The following TTC6 variants were observed in gnomAD, a reference collection of about 807,000 sequenced individuals.
TTC6 encodes tetratricopeptide repeat protein 6.
TTC6 carries 172 observed loss-of-function variants against 210.4 expected under a neutral mutation model. That is an observed-to-expected ratio of 0.82 (90% CI 0.72 to 0.93). The LOEUF is 0.93. Among genes scored for constraint, TTC6 ranks in the 40% least tolerant of loss-of-function variants. The probability of loss-of-function intolerance (pLI) is 0.00; values close to 1 mark genes in which losing one functional copy is unlikely to be tolerated. For synonymous variants in TTC6, 804 were observed against 819.6 expected (o/e 0.98, Z 0.32); for missense variants, 2,414 against 2,318.1 (o/e 1.04, Z -0.85).
chr14:37,783,778 A>G (rs944253354), intron 14 of TTC6, among the ~76,000 whole-genome samples: 1 of 152,070 alleles, frequency 6.6e-6, no homozygotes, highest in Middle Eastern at 3.2e-3. Context: ...AGTGCTATAA[A>G]TTTCCCTCTA....
intron 17 of TTC6, among the ~76,000 whole-genome samples, chr14:37,793,278 A>G (rs1238140457): frequency 6.6e-6 from 1 of 152,220 alleles, no homozygotes; most frequent in African/African-American, 2.4e-5. Context: ...CTAGCTTCTA[A>G]TTGCCTTTCT....
chr14:37,642,858 A>G (rs1595052105), intron 1 of TTC6, among the ~76,000 whole-genome samples: 1 of 152,222 alleles, frequency 6.6e-6, no homozygotes, highest in Non-Finnish European at 1.5e-5. Flanking sequence ...AATAGAAAGT[A>G]TTTGTGTATC....
upstream of TTC6, among the ~76,000 whole-genome samples, chr14:37,620,235 C>A (rs1376078920): frequency 6.6e-6 from 1 of 151,912 alleles, no homozygotes; most frequent in African/African-American, 2.4e-5. Context: ...ATTTTAAATT[C>A]AAATCTCTTG....
At chr14:37,816,629 A>C (rs1489433660) in intron 25 of TTC6, among the ~76,000 whole-genome samples, 2 of 152,146 alleles carry the variant, frequency 1.3e-5, no homozygotes, top group Admixed American at 1.3e-4. Context: ...TCCTTCATAG[A>C]TTCAGGACTC....
chr14:37,614,694 A>G (rs552302253), intron 2 of TTC6, among the ~76,000 whole-genome samples: 1 of 152,078 alleles, frequency 6.6e-6, no homozygotes, highest in Non-Finnish European at 1.5e-5. Context: ...CCTTTTAAAA[A>G]AGAATATGCA....
chr14:37,664,314 A>G (rs1566873171), intron 1 of TTC6, among the ~76,000 whole-genome samples: 1 of 150,576 alleles, frequency 6.6e-6, no homozygotes, highest in African/African-American at 2.4e-5. Context: ...ACATAGATGA[A>G]TAGAACAGAA....
At chr14:37,603,390 G>T (rs992635967) in intron 1 of TTC6, among the ~76,000 whole-genome samples, 4 of 152,186 alleles carry the variant, frequency 2.6e-5, no homozygotes, top group Admixed American at 2.6e-4. Context: ...TGAGGAACCC[G>T]TGTGAACCTA....
chr14:37,648,347 G>T (rs1426962037), intron 1 of TTC6, among the ~76,000 whole-genome samples: 1 of 152,094 alleles, frequency 6.6e-6, no homozygotes, highest in East Asian at 1.9e-4. Flanking sequence ...GTTGAAATTT[G>T]TTGAGTACTT....
intron 3 of TTC6, among the ~76,000 whole-genome samples, chr14:37,688,368 A>G (rs2095797702): frequency 2.0e-5 from 3 of 152,108 alleles, no homozygotes; most frequent in Admixed American, 2.0e-4. Flanking sequence ...GGTCTGAGCG[A>G]ATTTGCTGCA....
At chr14:37,818,221 A>G (rs2096146845) in intron 26 of TTC6, among the ~76,000 whole-genome samples, 1 of 152,188 alleles carries the variant, frequency 6.6e-6, no homozygotes, top group African/African-American at 2.4e-5. Context: ...AAGTTATAGA[A>G]GAAGAGATGA....
chr14:37,618,885 A>G (rs887623444), upstream of TTC6, among the ~76,000 whole-genome samples: 5 of 152,226 alleles, frequency 3.3e-5, no homozygotes, highest in African/African-American at 4.8e-5. Context: ...GCAGGAACTA[A>G]GAAATAAAAG....
At chr14:37,624,129 AG>A (rs2095656168) in intron 1 of TTC6, among the ~76,000 whole-genome samples, 2 of 152,184 alleles carry the variant, frequency 1.3e-5, no homozygotes, top group Non-Finnish European at 2.9e-5. Context: ...CATAAAGGGA[AG>A]CAAAAACAGG....
intron 5 of TTC6, among the ~76,000 whole-genome samples, chr14:37,702,094 T>C (rs2095826571): frequency 6.6e-6 from 1 of 152,218 alleles, no homozygotes; most frequent in South Asian, 2.1e-4. Context: ...CTAATGTTTA[T>C]GCAGCAGTAA....
At chr14:37,770,749 CTT>C (rs1345958715) in intron 14 of TTC6, among the ~76,000 whole-genome samples, 1 of 147,492 alleles carries the variant, frequency 6.8e-6, no homozygotes, top group African/African-American at 2.5e-5. Flanking sequence ...GGTCTTGACT[CTT>C]TATCCAATTT....
At chr14:37,735,820 G>C in intron 7 of TTC6, 101 bp from the exon 10 acceptor site, 1 of 620,192 alleles carries the variant, frequency 1.6e-6, no homozygotes, top group South Asian at 2.7e-5. Flanking sequence ...TTTTCTCTTT[G>C]GTTCTTTTGT....
chr14:37,741,783 A>G (rs963504802), intron 10 of TTC6, among the ~76,000 whole-genome samples: 6 of 152,172 alleles, frequency 3.9e-5, no homozygotes, highest in Admixed American at 3.3e-4. Flanking sequence ...TACTGGAGCC[A>G]TCTCACCCAG....
At chr14:37,680,118 T>C in intron 1 of TTC6, 33 bp from the exon 4 acceptor site, 1 of 1,257,502 alleles carries the variant, frequency 8.0e-7, no homozygotes, top group Non-Finnish European at 1.1e-6. Flanking sequence ...ATTTTAAAAA[T>C]TGGCATCACT....
At chr14:37,632,366 T>C (rs779721896) in intron 1 of TTC6, among the ~76,000 whole-genome samples, 30 of 152,216 alleles carry the variant, frequency 2.0e-4, no homozygotes, top group Non-Finnish European at 2.8e-4. Context: ...CTTCAAACAG[T>C]GAAGCCTCCC....
intron 1 of TTC6, among the ~76,000 whole-genome samples, chr14:37,600,590 G>A (rs1594990051): frequency 6.6e-6 from 1 of 152,196 alleles, no homozygotes; most frequent in East Asian, 1.9e-4. Context: ...AAATTACATG[G>A]CACTATTTAA....
Sources: allele counts gnomAD v4.1 joint callset (sites outside exome capture counted in the v4.1 genomes callset), GRCh38; gene constraint gnomAD v4.1.1; transcripts MANE v1.5; gene names NCBI Gene and HGNC (gene_info 2026-07-23, HGNC 2026-07-21).